The following TBC1D2 variants were observed in gnomAD, a reference collection of about 807,000 sequenced individuals.
TBC1D2 encodes TBC1 domain family member 2.
A neutral mutation model predicts 91.1 loss-of-function variants in TBC1D2; 58 were observed. The ratio of observed to expected loss-of-function variants is 0.64; its 90% CI spans 0.52 to 0.79. The LOEUF is 0.79. Among genes scored for constraint, TBC1D2 ranks in the 30% least tolerant of loss-of-function variants. The probability of loss-of-function intolerance (pLI) is 0.00; values close to 1 mark genes in which losing one functional copy is unlikely to be tolerated. For missense variants in TBC1D2, 1,080 were observed against 1,208.3 expected (o/e 0.89, Z 1.57); for synonymous variants, 482 against 511.5 (o/e 0.94, Z 0.78).
intron 2 of TBC1D2, among the ~76,000 whole-genome samples, chr9:98,249,552 C>T (rs1167263489): frequency 6.6e-6 from 1 of 152,212 alleles, no homozygotes; most frequent in African/African-American, 2.4e-5. Flanking sequence ...TCAACCCAGG[C>T]TGCAGTTTTC....
chr9:98,251,773 C>T lies in TBC1D2; in HGVS notation c.511+12G>A, dbSNP rs376454621. The T allele has an allele frequency of 2.3e-5, 36 of 1,571,342 alleles. No homozygotes were observed. Among genetic ancestry groups the T allele is most frequent in the Admixed American group, 2.0e-5 (1 of 50,992 alleles). ...CCTGGGTGTGCAGGCAGGAGGGTAGCCCATTGGGTACCTAGCTCGAGGTGC... is the reference window on the plus strand; with the variant it reads ...CCTGGGTGTGCAGGCAGGAGGGTAGTCCATTGGGTACCTAGCTCGAGGTGC... On this transcript the variant is annotated intron_variant, in intron 2 of 12. Transcript: ENST00000465784.
At position 98,244,081 on chromosome 9, in the gene TBC1D2, G is replaced by C; in HGVS notation, c.560C>G (p.Pro187Arg). 2 of 1,613,258 alleles carry C rather than the reference G, an allele frequency of 1.2e-6. No individual in the cohort carries two copies. The highest frequency in any genetic ancestry group is 1.7e-6 in the Non-Finnish European group (2 of 1,179,694). The change falls in exon 3 of 13, where the codon CCC becomes CGC. Residue 187 changes from proline to arginine, a missense_variant. Coordinates refer to ENST00000465784, the MANE Select transcript of TBC1D2 (RefSeq NM_001267571.2). ...AGCTGCCACGCCCACTAGCCCAGGG[G>C]GTGTTTTCACAGGGCACAGGAACTC... is the stretch of plus-strand genomic sequence containing the variant. ...LEEFLCPVKT[P>R]PGLVGVAAAL...
intron 12 of TBC1D2, 39 bp from the exon 13 acceptor site, chr9:98,199,627 C>G: frequency 6.2e-7 from 1 of 1,608,444 alleles, no homozygotes; most frequent in Non-Finnish European, 8.5e-7. Flanking sequence ...CACGTCACCC[C>G]ACCTGGCCGG....
rs570112931 is a variant in TBC1D2 at position 98,249,825 on chromosome 9, C to A, written c.511+1960G>T. Among the ~76,000 whole-genome samples, 3 of 152,274 alleles carry A rather than the reference C, an allele frequency of 2.0e-5. No individual in the cohort carries two copies. In the South Asian group the frequency reaches 6.2e-4, roughly 32 times the overall value. ...ACAACTCCCATGTATTGAGCACTTACTATGTGCCTGAGGTTATGCTAAGGG... is the reference window on the plus strand; with the variant it reads ...ACAACTCCCATGTATTGAGCACTTAATATGTGCCTGAGGTTATGCTAAGGG... On this transcript the variant is annotated intron_variant, in intron 2 of 12. Transcript: ENST00000465784.
rs1183818628 is a variant in TBC1D2, at chr9:98,208,653, G to A, written c.2150+15C>T. 6.6e-7 allele frequency: 1 copy of A among 1,514,464 alleles called. No homozygotes were observed. The highest frequency in any genetic ancestry group is 8.8e-7 in the Non-Finnish European group (1 of 1,130,466). The allele number at this position is 1,514,464 out of a possible 1,614,324, so 93.8% of individuals were successfully genotyped here. On this transcript the variant is annotated intron_variant, in intron 9 of 12. Coordinates refer to ENST00000465784, the MANE Select transcript of TBC1D2 (RefSeq NM_001267571.2). ...AAGGTAAAGATCACACCTTCACTGG[G>A]CTTTGGTGGCTTACCTGTTCAGGCC... is the stretch of plus-strand genomic sequence containing the variant.
intron 11 of TBC1D2, among the ~76,000 whole-genome samples, chr9:98,200,577 G>T (rs1379833302): frequency 6.6e-6 from 1 of 151,352 alleles, no homozygotes; most frequent in African/African-American, 2.4e-5. Flanking sequence ...GGGGGCGGGG[G>T]AAGGGACGCA....
In TBC1D2 at chr9:98,255,637, C is replaced by T; in HGVS notation, c.-96G>A. The stretch of plus-strand genomic sequence containing the variant: ...GCGGGCAGCTTCCCAAAGGGAGACA[C>T]CTGGGCGGGGGCGGGGCCGACGGCG... On this transcript the variant is annotated 5_prime_UTR_variant, in exon 1 of 13. The change creates a new upstream start codon in the 5' untranslated region. Transcript: ENST00000465784. The T allele has an allele frequency of 7.3e-7, 1 of 1,368,552 alleles. No individual in the cohort carries two copies. Among genetic ancestry groups the T allele is most frequent in the East Asian group, 2.8e-5 (1 of 36,048 alleles). 84.8% of individuals were successfully genotyped at this position (1,368,552 alleles called of 1,614,324 possible). A position where few individuals can be genotyped will look rare whatever the true frequency, so the allele number is the denominator to read the frequency against.
At chr9:98,220,339 G>A (rs1039961622) in intron 6 of TBC1D2, among the ~76,000 whole-genome samples, 2 of 152,204 alleles carry the variant, frequency 1.3e-5, no homozygotes, top group Non-Finnish European at 2.9e-5. Context: ...ACCGAGGGCA[G>A]TGCCTGGCAC....
chr9:98,220,640 G>A (rs549371965), intron 6 of TBC1D2, among the ~76,000 whole-genome samples, 193 bp downstream of exon 6: 7 of 152,280 alleles, frequency 4.6e-5, no homozygotes, highest in African/African-American at 1.7e-4. Context: ...AAACTGCACT[G>A]GGCCTTGTGG....
intron 2 of TBC1D2, 64 bp downstream of exon 2, chr9:98,251,721 G>T: frequency 6.7e-7 from 1 of 1,484,096 alleles, no homozygotes. Flanking sequence ...ATTCCCAGCA[G>T]GAGGGTAAAG....
chr9:98,250,034 A>G (rs1414652622), intron 2 of TBC1D2, among the ~76,000 whole-genome samples: 1 of 152,148 alleles, frequency 6.6e-6, no homozygotes, highest in Non-Finnish European at 1.5e-5. Context: ...TTAATAGAAC[A>G]CAATGGAACA....
rs1829962491 is a variant in TBC1D2, at chr9:98,255,645, G to A, written c.-104C>T. The A allele has an allele frequency of 7.4e-6, 10 of 1,346,442 alleles. No homozygotes were observed. The highest frequency in any genetic ancestry group is 9.5e-6 in the Non-Finnish European group (10 of 1,050,312). 83.4% of individuals were successfully genotyped at this position (1,346,442 alleles called of 1,614,324 possible). On this transcript the variant is annotated 5_prime_UTR_variant, in exon 1 of 13. Coordinates refer to ENST00000465784, the MANE Select transcript of TBC1D2 (RefSeq NM_001267571.2). ...CTTCCCAAAGGGAGACACCTGGGCGGGGGCGGGGCCGACGGCGAACCCGCC... is the reference window on the plus strand; with the variant it reads ...CTTCCCAAAGGGAGACACCTGGGCGAGGGCGGGGCCGACGGCGAACCCGCC...
At chr9:98,199,878 G>A (rs1828439551) in intron 12 of TBC1D2, among the ~76,000 whole-genome samples, 1 of 152,212 alleles carries the variant, frequency 6.6e-6, no homozygotes, top group South Asian at 2.1e-4. Context: ...TGAATAAAAG[G>A]TGACCAGGCA....
rs112220541 is a variant in TBC1D2 at position 98,227,253 on chromosome 9, G to C, written c.978+1699C>G. 4.3e-3 allele frequency among the ~76,000 whole-genome samples: 659 copies of C among 152,316 alleles called. 4 individuals are homozygous for C. Among genetic ancestry groups the C allele is most frequent in the African/African-American group, 0.015 (639 of 41,564 alleles). Reference sequence around the variant, plus strand: ...TAACTACACATTTGGGTGTTGCTTTGTTTAATGTCTGTCTCTGCCATGAAA... The same window carrying C: ...TAACTACACATTTGGGTGTTGCTTTCTTTAATGTCTGTCTCTGCCATGAAA... On this transcript the variant is annotated intron_variant, in intron 5 of 12. Coordinates refer to ENST00000465784, the MANE Select transcript of TBC1D2 (RefSeq NM_001267571.2).
rs1829300936 is a variant in TBC1D2, at chr9:98,228,969, C to G, written c.961G>C (p.Glu321Gln). Residue 321 changes from glutamate to glutamine, a missense_variant, in exon 5 of 13, where the codon GAG (glutamate) becomes CAG (glutamine). Physicochemically the swap from Glu to Gln is conservative, Grantham distance 29. Transcript: ENST00000465784. The surrounding 1 kb of genome is among the most constrained non-coding windows in gnomAD (Gnocchi z 4.0). The stretch of plus-strand genomic sequence containing the variant: ...GACCTCACCTTCTGAGACTTTAACT[C>G]CTTGGTGAGCATCAGAACCTGTTGC... The part of the protein sequence containing the change: ...LEQQVLMLTK[E>Q]LKSQKELVKI... 2 of 1,614,052 alleles carry G rather than the reference C, an allele frequency of 1.2e-6. No homozygotes were observed. Among genetic ancestry groups the G allele is most frequent in the Admixed American group, 1.7e-5 (1 of 60,010 alleles).
At chr9:98,217,523 G>A (rs547963000) in intron 6 of TBC1D2, among the ~76,000 whole-genome samples, 1 of 152,332 alleles carries the variant, frequency 6.6e-6, no homozygotes, top group South Asian at 2.1e-4. Context: ...TATTCAAGAG[G>A]TCAGTGATCC....
At chr9:98,204,834 G>C (rs1049968831) in intron 9 of TBC1D2, among the ~76,000 whole-genome samples, 2 of 152,230 alleles carry the variant, frequency 1.3e-5, no homozygotes, top group African/African-American at 4.8e-5. Context: ...CTGAGTTCAA[G>C]GATAGCAAAC....
intron 5 of TBC1D2, 122 bp from the exon 6 acceptor site, chr9:98,221,350 G>T: frequency 8.2e-7 from 1 of 1,226,630 alleles, no homozygotes; most frequent in Non-Finnish European, 1.1e-6. Flanking sequence ...CATCCCTGCG[G>T]CATCTCATCC....
At chr9:98,234,616 G>C (rs956069945) in intron 3 of TBC1D2, 1 of 152,234 alleles carries the variant, frequency 6.6e-6, no homozygotes, top group African/African-American at 2.4e-5. Context: ...CTGAGGAGCT[G>C]TTGGGTGGTC....
Sources: allele counts gnomAD v4.1 joint callset (sites outside exome capture counted in the v4.1 genomes callset), GRCh38; gene constraint gnomAD v4.1.1; non-coding constraint Gnocchi (gnomAD v3.1); transcripts MANE v1.5; gene names NCBI Gene and HGNC (gene_info 2026-07-23, HGNC 2026-07-21).